Variants in USP54 observed in about 807,000 individuals in gnomAD.
USP54 encodes ubiquitin specific peptidase 54.
A neutral mutation model predicts 170.5 loss-of-function variants in USP54; 87 were observed. The observed-to-expected ratio is 0.51, with a 90% CI of 0.43 to 0.61. The LOEUF is 0.61. USP54 is among the 20% of genes least tolerant of loss of function. USP54 has a pLI of 0.00. For synonymous variants in USP54, 655 were observed against 742.8 expected, an observed-to-expected ratio of 0.88 and a Z score of 1.92; for missense variants, 1,786 against 2,047.8, an observed-to-expected ratio of 0.87 and a Z score of 2.47.
chr10:73,555,849 C>A (rs2070842285), intron 4 of USP54, among the ~76,000 whole-genome samples: 1 of 152,146 alleles, frequency 6.6e-6, no homozygotes, highest in Non-Finnish European at 1.5e-5. Flanking sequence ...TGATGATTCA[C>A]TACATGTTTC....
chr10:73,575,747 AG>A, intron 2 of USP54, 50 bp downstream of exon 2: 1 of 1,415,844 alleles, frequency 7.1e-7, no homozygotes. Context: ...CTAAAAGGAA[AG>A]GGAATCCAGA....
chr10:73,555,745 A>G (rs891692669), intron 4 of USP54, among the ~76,000 whole-genome samples: 1 of 152,250 alleles, frequency 6.6e-6, no homozygotes, highest in African/African-American at 2.4e-5. Context: ...CCCCACAGGA[A>G]AAACTGAAAG....
At chr10:73,615,660 C>A (rs1477071730) in intron 1 of USP54, among the ~76,000 whole-genome samples, 2 of 150,332 alleles carry the variant, frequency 1.3e-5, no homozygotes, top group East Asian at 3.9e-4. Context: ...GTGGCTCACA[C>A]CTGTAATCCC....
chr10:73,559,010 T>C (rs2072027521), intron 4 of USP54, among the ~76,000 whole-genome samples: 1 of 152,214 alleles, frequency 6.6e-6, no homozygotes, highest in Non-Finnish European at 1.5e-5. Context: ...ATATATCTAT[T>C]GAAAAAAATA....
intron 1 of USP54, among the ~76,000 whole-genome samples, chr10:73,583,085 C>G (rs1479605999): frequency 6.6e-6 from 1 of 151,992 alleles, no homozygotes; most frequent in African/African-American, 2.4e-5. Context: ...TGACAAATAG[C>G]CCTCAAACTG....
intron 1 of USP54, among the ~76,000 whole-genome samples, chr10:73,590,653 G>C (rs2132211705): frequency 6.6e-6 from 1 of 152,212 alleles, no homozygotes; most frequent in East Asian, 1.9e-4. Context: ...CCTCAAGGAA[G>C]CAGGTGCTAA....
At chr10:73,610,342 C>T (rs1319459215) in intron 1 of USP54, among the ~76,000 whole-genome samples, 1 of 152,178 alleles carries the variant, frequency 6.6e-6, no homozygotes, top group Non-Finnish European at 1.5e-5. Context: ...TTTGGCCAGG[C>T]ACAGCGGCTC....
At chr10:73,515,059 T>TA (rs1363881561) in intron 20 of USP54, among the ~76,000 whole-genome samples, 1 of 151,188 alleles carries the variant, frequency 6.6e-6, no homozygotes, top group East Asian at 1.9e-4. Context: ...AAAAAATGAA[T>TA]AAAAAATCAA....
intron 1 of USP54, among the ~76,000 whole-genome samples, chr10:73,618,679 T>A (rs1221684009): frequency 1.4e-5 from 2 of 147,684 alleles, no homozygotes; most frequent in Admixed American, 1.3e-4. Flanking sequence ...GAGGCAGAGG[T>A]TGCAGTGAGC....
intron 4 of USP54, among the ~76,000 whole-genome samples, chr10:73,556,579 C>T (rs549422260): frequency 2.6e-5 from 4 of 151,892 alleles, no homozygotes; most frequent in South Asian, 2.1e-4. Context: ...CTCCTGACCT[C>T]GTGATCCACC....
Position 73,596,688 on chromosome 10 carries a change from C to T in USP54, c.-17-21013G>A, listed in dbSNP as rs369449563. On this transcript the variant is annotated intron_variant, in intron 1 of 22. Transcript: ENST00000339859. ...GAGCTGAGATCAGGCCATCGCACTCCAGTCTGAGTTGGACAGAGTGAGATC... is the reference window on the plus strand; with the variant it reads ...GAGCTGAGATCAGGCCATCGCACTCTAGTCTGAGTTGGACAGAGTGAGATC... Among the ~76,000 whole-genome samples the T allele has an allele frequency of 1.3e-3, 158 of 122,850 alleles. 1 individual carries two copies. Among genetic ancestry groups the T allele is most frequent in the African/African-American group, 2.5e-3 (78 of 31,416 alleles). The allele number at this position is 122,850 out of a possible 152,430, so 80.6% of individuals were successfully genotyped here.
At chr10:73,606,874 A>G in intron 1 of USP54, among the ~76,000 whole-genome samples, 1 of 145,020 alleles carries the variant, frequency 6.9e-6, no homozygotes, top group African/African-American at 2.5e-5. Flanking sequence ...GCGAGACAAT[A>G]TCTCAAAAAA....
chr10:73,516,684 G>A lies in USP54; in HGVS notation c.3742C>T (p.Leu1248=). The change falls in exon 20 of 24, where the codon CTG becomes TTG. Residue 1248 remains leucine (L), a synonymous_variant. Coordinates refer to ENST00000687698, the MANE Select transcript of USP54 (RefSeq NM_001391956.1). ...GTCCCCAAGTCAGTACTGCTGCCCA[G>A]ATCCTTAGACCTAACATCTCTCACT... ...SQVRDVRSKD[L]GSSTDLGTSL... is the part of the protein sequence containing the mutation. The A allele has an allele frequency of 6.2e-7, 1 of 1,614,186 alleles. No individual in the cohort carries two copies. The highest frequency in any genetic ancestry group is 1.1e-5 in the South Asian group (1 of 91,092).
chr10:73,596,049 T>C (rs903833450), upstream of USP54, among the ~76,000 whole-genome samples: 3 of 149,438 alleles, frequency 2.0e-5, no homozygotes, highest in Admixed American at 6.7e-5. Flanking sequence ...AGGCGGAGGT[T>C]GCAGTGAGCT....
chr10:73,573,133 A>G (rs1200129689), intron 3 of USP54, among the ~76,000 whole-genome samples: 1 of 152,070 alleles, frequency 6.6e-6, no homozygotes, highest in African/African-American at 2.4e-5. Flanking sequence ...AACAATTAAA[A>G]AAAAAAATTA....
intron 1 of USP54, among the ~76,000 whole-genome samples, chr10:73,582,802 T>C (rs1434982198): frequency 6.6e-6 from 1 of 152,178 alleles, no homozygotes; most frequent in African/African-American, 2.4e-5. Context: ...CTCCATGACA[T>C]TAATAAAAAT....
Position 73,575,549 on chromosome 10 carries a change from G to T in USP54, c.110C>A (p.Pro37Gln), listed in dbSNP as rs1275122354. ...IAPSKGLSNE[P>Q]GQNSCFLNSA... ...GTTGAGGAAGCAGCTGTTTTGCCCT[G>T]GCTCATTGCTGAGGCCTTTGCTGGG... The change falls in exon 3 of 24, where the codon CCA (proline) becomes CAA (glutamine). Residue 37 changes from proline to glutamine, a missense_variant. Physicochemically the swap from Pro to Gln is moderately conservative, Grantham distance 76. Transcript: ENST00000687698. 1.2e-6 allele frequency: 2 copies of T among 1,613,914 alleles called. No individual in the cohort carries two copies. The highest frequency in any genetic ancestry group is 3.3e-5 in the Admixed American group (2 of 59,992).
intron 4 of USP54, among the ~76,000 whole-genome samples, chr10:73,558,627 GA>G (rs2071876525): frequency 1.3e-5 from 2 of 152,254 alleles, no homozygotes; most frequent in South Asian, 4.2e-4. Context: ...GATTCATCTA[GA>G]AACATGTTAG....
At chr10:73,564,821 G>A (rs527262517) in intron 4 of USP54, among the ~76,000 whole-genome samples, 1 of 149,912 alleles carries the variant, frequency 6.7e-6, no homozygotes, top group South Asian at 2.1e-4. Context: ...CCAGCACCTT[G>A]AGAGGCCAAG....
Sources: gnomAD v4.1 joint callset for allele counts (sites outside exome capture counted in the v4.1 genomes callset) on GRCh38, gnomAD v4.1.1 for gene constraint, MANE v1.5 for transcripts, NCBI Gene and HGNC (gene_info 2026-07-23, HGNC 2026-07-21) for gene names.